The following BCL2L13 variants were observed in gnomAD, a reference collection of about 807,000 sequenced individuals.
The protein encoded by BCL2L13 is BCL2 like 13.
In BCL2L13, 13 loss-of-function variants were observed where a neutral mutation model predicts 25.8. The observed-to-expected ratio is 0.50, with a 90% CI of 0.33 to 0.80. BCL2L13 has a LOEUF of 0.80. Ranked by LOEUF, BCL2L13 falls within the 30% of genes least tolerant of loss-of-function variation. The pLI, the probability that BCL2L13 is intolerant of heterozygous loss-of-function variation, is 0.02. For missense variants in BCL2L13, 504 were observed against 574.9 expected (o/e 0.88, Z 1.26); for synonymous variants, 244 against 230.3 (o/e 1.06, Z -0.54).
Position 17,729,008 on chromosome 22 carries a change from G to A in BCL2L13, c.*1474G>A, listed in dbSNP as rs933276472. The A allele has an allele frequency of 8.5e-5, 13 of 152,168 alleles. No homozygotes were observed. Among genetic ancestry groups the A allele is most frequent in the East Asian group, 1.9e-4 (1 of 5,200 alleles). The allele number at this position is 152,168 out of a possible 1,614,324, so 9.4% of individuals were successfully genotyped here. A position where few individuals can be genotyped will look rare whatever the true frequency, so the allele number is the denominator to read the frequency against. On this transcript the variant is annotated 3_prime_UTR_variant, in exon 7 of 7. Transcript: ENST00000317582. ...GTGTCTTTCCATGCCCGAGGGCCAC[G>A]ACGTCACTATGCAGGGCACACGTGG... is the stretch of plus-strand genomic sequence containing the variant.
intron 1 of BCL2L13, among the ~76,000 whole-genome samples, chr22:17,650,421 C>T (rs2058644814): frequency 1.3e-5 from 2 of 151,984 alleles, no homozygotes; most frequent in African/African-American, 4.8e-5. Context: ...TGTTTTGTAG[C>T]CTATGTCTCC....
At chr22:17,631,393 A>G (rs2058010664) in intron 1 of BCL2L13, among the ~76,000 whole-genome samples, 1 of 151,884 alleles carries the variant, frequency 6.6e-6, no homozygotes, top group African/African-American at 2.4e-5. Flanking sequence ...CACCACGCCC[A>G]GCCTCAATTG....
At chr22:17,693,365 AGTGTTTGTTTT>A (rs1568981635) in intron 4 of BCL2L13, among the ~76,000 whole-genome samples, 241 of 81,582 alleles carry the variant, frequency 3.0e-3, no homozygotes, top group Non-Finnish European at 3.7e-3. Context: ...TTATTTATTT[AGTGTTTGTTTT>A]TTTTTTTTTT....
intron 2 of BCL2L13, among the ~76,000 whole-genome samples, chr22:17,670,148 A>C (rs907788116): frequency 3.9e-5 from 6 of 152,056 alleles, no homozygotes; most frequent in Non-Finnish European, 8.8e-5. Context: ...ATACCATACT[A>C]TTTTTATTGC....
intron 6 of BCL2L13, among the ~76,000 whole-genome samples, chr22:17,721,672 G>A (rs1329010424): frequency 2.0e-5 from 3 of 152,130 alleles, no homozygotes; most frequent in South Asian, 4.1e-4. Context: ...TTACAGGCAT[G>A]TGCCACCACG....
chr22:17,639,031 G>A (rs1379559447), intron 1 of BCL2L13, 145 bp downstream of exon 1: 1 of 672,908 alleles, frequency 1.5e-6, no homozygotes, highest in East Asian at 3.4e-5. Context: ...TGTCTACACC[G>A]GCGCTCCTTC....
chr22:17,669,836 CGGGA>C (rs2059360724), intron 2 of BCL2L13, among the ~76,000 whole-genome samples: 1 of 152,154 alleles, frequency 6.6e-6, no homozygotes, highest in Non-Finnish European at 1.5e-5. Context: ...TGTGCTGCCT[CGGGA>C]CTCTGTTTGA....
chr22:17,669,028 TTC>T (rs1217042874), intron 2 of BCL2L13, among the ~76,000 whole-genome samples: 4 of 103,952 alleles, frequency 3.8e-5, no homozygotes, highest in East Asian at 3.5e-4. Flanking sequence ...TCCTGTTTCT[TTC>T]TTTTTTTTTT....
chr22:17,695,917 C>A, intron 4 of BCL2L13: 2 of 416,722 alleles, frequency 4.8e-6, no homozygotes, highest in Non-Finnish European at 8.8e-6. Flanking sequence ...ATACATTTAT[C>A]TTGCTATGTT....
At position 17,715,154 on chromosome 22, in the gene BCL2L13, A is replaced by T. The variant is rs1569007922; in HGVS notation, c.601-11523A>T. Among the ~76,000 whole-genome samples, 11 of 5,366 alleles carry T rather than the reference A, an allele frequency of 2.0e-3. 1 individual carries two copies. The highest frequency in any genetic ancestry group is 0.013 in the South Asian group (1 of 78). 3.5% of individuals were successfully genotyped at this position (5,366 alleles called of 152,430 possible). A position where few individuals can be genotyped will look rare whatever the true frequency, so the allele number is the denominator to read the frequency against. ...TATATATATATATATATATATATATATATATATATATATATATTTTTTTTT... is the reference window on the plus strand; with the variant it reads ...TATATATATATATATATATATATATTTATATATATATATATATTTTTTTTT... On this transcript the variant is annotated intron_variant, in intron 6 of 6. Transcript: ENST00000317582.
intron 1 of BCL2L13, chr22:17,629,075 A>T (rs1182157742): frequency 6.1e-6 from 1 of 163,830 alleles, no homozygotes; most frequent in Non-Finnish European, 1.4e-5. Flanking sequence ...TTAGGGGTAC[A>T]TGATTGTTGG....
Position 17,646,932 on chromosome 22 carries a change from C to CATATAT in BCL2L13, c.-51+8065_-51+8070dup, listed in dbSNP as rs1170982043. Among the ~76,000 whole-genome samples the CATATAT allele has an allele frequency of 8.2e-3, 265 of 32,356 alleles. 9 individuals carry two copies. Among genetic ancestry groups the CATATAT allele is most frequent in the East Asian group, 0.019 (6 of 324 alleles). 21.2% of individuals were successfully genotyped at this position (32,356 alleles called of 152,430 possible). A position where few individuals can be genotyped will look rare whatever the true frequency, so the allele number is the denominator to read the frequency against. On this transcript the variant is annotated intron_variant, in intron 1 of 6. Transcript: ENST00000317582. ...TGTGTGTGTGTGTGTGTATAAACTA[C>CATATAT]ATATATATATATATATATATATATT...
chr22:17,690,765 C>G (rs866020395), intron 4 of BCL2L13, among the ~76,000 whole-genome samples: 1 of 151,832 alleles, frequency 6.6e-6, no homozygotes, highest in South Asian at 2.1e-4. Flanking sequence ...GACCTTGTCT[C>G]TAAAAATAAA....
intron 1 of BCL2L13, among the ~76,000 whole-genome samples, chr22:17,630,296 T>C (rs2057982832): frequency 6.6e-6 from 1 of 151,958 alleles, no homozygotes; most frequent in African/African-American, 2.4e-5. Context: ...TCTTTTTTTT[T>C]TGAGACAGAG....
At chr22:17,722,690 A>G (rs950402588) in intron 6 of BCL2L13, among the ~76,000 whole-genome samples, 5 of 152,132 alleles carry the variant, frequency 3.3e-5, no homozygotes, top group Admixed American at 6.6e-5. Flanking sequence ...AAATTGCTAT[A>G]TAGATTTTAG....
intron 6 of BCL2L13, among the ~76,000 whole-genome samples, chr22:17,704,015 G>C (rs888705325): frequency 1.3e-5 from 2 of 152,192 alleles, no homozygotes; most frequent in African/African-American, 2.4e-5. Flanking sequence ...TGGTTACAGA[G>C]AAAGTAAGTA....
chr22:17,657,101 G>A (rs1601541766), intron 2 of BCL2L13, among the ~76,000 whole-genome samples: 2 of 152,332 alleles, frequency 1.3e-5, no homozygotes, highest in East Asian at 3.9e-4. Context: ...TTACAGGCGT[G>A]AGCCCCAGGC....
At chr22:17,658,058 G>A (rs1037875220) in intron 2 of BCL2L13, among the ~76,000 whole-genome samples, 12 of 151,468 alleles carry the variant, frequency 7.9e-5, no homozygotes, top group Non-Finnish European at 1.5e-4. Context: ...CTGACCTCGT[G>A]ATCCGCCCTC....
intron 6 of BCL2L13, among the ~76,000 whole-genome samples, chr22:17,725,356 ATCT>A (rs1465074262): frequency 2.0e-5 from 3 of 152,012 alleles, no homozygotes; most frequent in Non-Finnish European, 4.4e-5. Context: ...CTCTGTCCTT[ATCT>A]TCTTTTTTTT....
Sources: allele counts gnomAD v4.1 joint callset (sites outside exome capture counted in the v4.1 genomes callset), GRCh38; gene constraint gnomAD v4.1.1; transcripts MANE v1.5; gene names NCBI Gene and HGNC (gene_info 2026-07-23, HGNC 2026-07-21).